ZNF536: variants seen among roughly 807,000 people sequenced by gnomAD.
ZNF536 encodes zinc finger protein 536.
Under a neutral mutation model 84.5 loss-of-function variants are expected in ZNF536, and 13 were observed. That is an observed-to-expected ratio of 0.15 (90% CI 0.10 to 0.24). The LOEUF is 0.24. ZNF536 is among the 10% of genes least tolerant of loss of function. The pLI is 1.00. For synonymous variants in ZNF536, 811 were observed against 742.5 expected, an observed-to-expected ratio of 1.09 and a Z score of -1.50; for missense variants, 1,536 against 1,747.5, an observed-to-expected ratio of 0.88 and a Z score of 2.16.
chr19:30,626,226 G>T (rs1156648211), intron 1 of ZNF536, among the ~76,000 whole-genome samples: 1 of 152,186 alleles, frequency 6.6e-6, no homozygotes, highest in Non-Finnish European at 1.5e-5. Flanking sequence ...CCTATGAGGG[G>T]ATAAATCCCA....
At chr19:30,487,157 C>A (rs536608977) in intron 2 of ZNF536, among the ~76,000 whole-genome samples, 6 of 152,284 alleles carry the variant, frequency 3.9e-5, no homozygotes, top group Admixed American at 1.3e-4. Context: ...AACTCGTTGA[C>A]CCAGTAATTC....
intron 2 of ZNF536, among the ~76,000 whole-genome samples, chr19:30,454,754 C>A (rs574673915): frequency 1.3e-5 from 2 of 152,054 alleles, no homozygotes; most frequent in South Asian, 4.1e-4. Context: ...CACTTGGGAC[C>A]GGGTGTGGTG....
intron 1 of ZNF536, among the ~76,000 whole-genome samples, chr19:30,643,932 G>A (rs1399350445): frequency 6.6e-6 from 1 of 152,176 alleles, no homozygotes; most frequent in East Asian, 1.9e-4. Flanking sequence ...CAAAAATTGG[G>A]GGGAAGTGAT....
chr19:30,602,782 A>G (rs1402214397), intron 1 of ZNF536, among the ~76,000 whole-genome samples: 3 of 152,128 alleles, frequency 2.0e-5, no homozygotes, highest in African/African-American at 7.2e-5. Context: ...AAAGGCGGAG[A>G]GGTGTTTTCT....
chr19:30,483,807 T>C (rs1002861737), intron 2 of ZNF536, among the ~76,000 whole-genome samples: 1 of 152,126 alleles, frequency 6.6e-6, no homozygotes, highest in Non-Finnish European at 1.5e-5. Flanking sequence ...CACAGTCTCA[T>C]GAGAACCTTC....
chr19:30,680,612 A>G (rs1600244707), intron 1 of ZNF536, among the ~76,000 whole-genome samples: 1 of 152,032 alleles, frequency 6.6e-6, no homozygotes, highest in Admixed American at 6.6e-5. Context: ...ATAGTATTCC[A>G]TGATGTATAT....
chr19:30,645,918 G>GAAAGTTCGCCATGCCGTTGCCCAGCC (rs1411862529), intron 1 of ZNF536, among the ~76,000 whole-genome samples: 2 of 152,028 alleles, frequency 1.3e-5, no homozygotes, highest in Non-Finnish European at 2.9e-5. Flanking sequence ...TGCATTTTGG[G>GAAAGTTCGCCATGCCGTTGCCCAGCC]AAAGTTCGCC....
chr19:30,423,815 A>G, intron 1 of ZNF536, among the ~76,000 whole-genome samples: 2 of 132,194 alleles, frequency 1.5e-5, no homozygotes, highest in Admixed American at 8.0e-5. Context: ...GGGGCCTGGG[A>G]GCGGTCGCTG....
upstream of ZNF536, among the ~76,000 whole-genome samples, chr19:30,369,928 C>A (rs1463575304): frequency 6.6e-6 from 1 of 152,076 alleles, no homozygotes; most frequent in Non-Finnish European, 1.5e-5. Flanking sequence ...ATTTAGCTAG[C>A]TCCTGGATCC....
intron 1 of ZNF536, among the ~76,000 whole-genome samples, chr19:30,407,637 C>G (rs2050317241): frequency 6.6e-6 from 1 of 152,238 alleles, no homozygotes; most frequent in South Asian, 2.1e-4. Context: ...ATGGACATCC[C>G]TGGGTGATCA....
At chr19:30,581,156 T>C (rs2046906688) in intron 1 of ZNF536, among the ~76,000 whole-genome samples, 1 of 152,256 alleles carries the variant, frequency 6.6e-6, no homozygotes, top group Non-Finnish European at 1.5e-5. Flanking sequence ...TAAGTTCAAC[T>C]ACTTCTCCTG....
chr19:30,530,301 C>A (rs530817612), intron 2 of ZNF536, among the ~76,000 whole-genome samples: 1 of 151,850 alleles, frequency 6.6e-6, no homozygotes, highest in Non-Finnish European at 1.5e-5. Flanking sequence ...ATCACAGATG[C>A]AATTTTTGTA....
intron 1 of ZNF536, among the ~76,000 whole-genome samples, chr19:30,683,677 C>T (rs1051584138): frequency 5.9e-5 from 9 of 152,078 alleles, no homozygotes; most frequent in African/African-American, 2.2e-4. Flanking sequence ...AATATCTTTT[C>T]AAAGACATGA....
intron 1 of ZNF536, among the ~76,000 whole-genome samples, chr19:30,276,496 A>AT (rs2026140570): frequency 6.6e-6 from 1 of 152,198 alleles, no homozygotes; most frequent in African/African-American, 2.4e-5. Context: ...TGCCTTGCCA[A>AT]TTCATACCAA....
intron 3 of ZNF536, among the ~76,000 whole-genome samples, chr19:30,547,578 C>T (rs932265050): frequency 1.3e-5 from 2 of 152,152 alleles, no homozygotes; most frequent in Admixed American, 6.5e-5. Context: ...AATATTGCAA[C>T]CACCCATTTG....
chr19:30,603,857 A>AG (rs368331101), intron 1 of ZNF536, among the ~76,000 whole-genome samples: 17 of 152,276 alleles, frequency 1.1e-4, no homozygotes, highest in East Asian at 7.7e-4. Context: ...TGGGAGGCCT[A>AG]GGGGGGTGGA....
chr19:30,675,040 A>G (rs1313255360), intron 1 of ZNF536, among the ~76,000 whole-genome samples: 2 of 152,124 alleles, frequency 1.3e-5, no homozygotes, highest in South Asian at 2.1e-4. Context: ...AGAGACACAG[A>G]TAACAGTGCA....
chr19:30,599,720 G>A (rs1029227219), intron 1 of ZNF536, among the ~76,000 whole-genome samples: 3 of 152,064 alleles, frequency 2.0e-5, no homozygotes, highest in Non-Finnish European at 2.9e-5. Context: ...CAATGAATGC[G>A]GAAAACAATG....
downstream of ZNF536, among the ~76,000 whole-genome samples, chr19:30,560,584 C>T (rs894548245): frequency 1.3e-5 from 2 of 152,108 alleles, no homozygotes; most frequent in Non-Finnish European, 2.9e-5. Flanking sequence ...AAGAGACCAC[C>T]CCCCCGCCCC....
Sources: gnomAD v4.1 joint callset for allele counts (sites outside exome capture counted in the v4.1 genomes callset) on GRCh38, gnomAD v4.1.1 for gene constraint, MANE v1.5 for transcripts, NCBI Gene and HGNC (gene_info 2026-07-23, HGNC 2026-07-21) for gene names.